The following PRKAR1A variants were observed in gnomAD, a reference collection of about 807,000 sequenced individuals.
PRKAR1A encodes the protein cAMP-dependent protein kinase type I-alpha regulatory subunit.
Under a neutral mutation model 52.0 loss-of-function variants are expected in PRKAR1A, and 3 were observed. That is an observed-to-expected ratio of 0.06 (90% CI 0.03 to 0.15). The LOEUF (loss-of-function observed/expected upper bound fraction) is 0.15. PRKAR1A is among the 10% of genes least tolerant of loss of function. PRKAR1A has a pLI of 1.00. For missense variants in PRKAR1A, 240 were observed against 477.4 expected, an observed-to-expected ratio of 0.50 and a Z score of 4.63; for synonymous variants, 188 against 168.4, an observed-to-expected ratio of 1.12 and a Z score of -0.90.
At chr17:68,493,784 C>A in the PRKAR1A span, 1 of 151,894 alleles carries the variant, frequency 6.6e-6, no homozygotes, top group Non-Finnish European at 1.5e-5. Flanking sequence ...AGTAGAGATG[C>A]GGTTTCGCCA....
chr17:68,464,705 AAAC>A, the PRKAR1A span, among the ~76,000 whole-genome samples: 3 of 136,030 alleles, frequency 2.2e-5, no homozygotes, highest in African/African-American at 7.7e-5. Context: ...AAAACAAAAA[AAAC>A]AAAAAAAACA....
At chr17:68,541,351 C>T (rs1245272433) in intron 11 of PRKAR1A, 1 of 250,696 alleles carries the variant, frequency 4.0e-6, no homozygotes, top group African/African-American at 2.2e-5. Context: ...TTCTCTCTCA[C>T]ACATGGTTTT....
chr17:68,471,139 A>T, the PRKAR1A span, among the ~76,000 whole-genome samples: 1 of 152,204 alleles, frequency 6.6e-6, no homozygotes, highest in South Asian at 2.1e-4. Context: ...CACAGCAGAA[A>T]ACTGAAAGAC....
the PRKAR1A span, among the ~76,000 whole-genome samples, chr17:68,453,895 A>G: frequency 6.6e-6 from 1 of 152,168 alleles, no homozygotes; most frequent in South Asian, 2.1e-4. Flanking sequence ...TCACACCTGG[A>G]TGTATATTAA....
the PRKAR1A span, among the ~76,000 whole-genome samples, chr17:68,451,260 A>G: frequency 1.3e-5 from 2 of 152,142 alleles, no homozygotes; most frequent in Admixed American, 6.5e-5. Context: ...GCGAAACCCC[A>G]TCTCTACTAA....
chr17:68,524,181 C>A, intron 5 of PRKAR1A, 104 bp downstream of exon 5: 2 of 1,178,008 alleles, frequency 1.7e-6, no homozygotes, highest in Non-Finnish European at 2.4e-6. Context: ...TTTGATCCTA[C>A]CACTTTTTTT....
the PRKAR1A span, among the ~76,000 whole-genome samples, chr17:68,431,911 G>A: frequency 2.6e-5 from 4 of 152,222 alleles, no homozygotes; most frequent in South Asian, 2.1e-4. Context: ...CAGCAATTGC[G>A]ATCACTCACT....
upstream of PRKAR1A, among the ~76,000 whole-genome samples, chr17:68,510,901 G>T (rs2085255600): frequency 6.6e-6 from 1 of 152,160 alleles, no homozygotes. Context: ...ATTTGGGGGA[G>T]CAGTCGGCCT....
intron 2 of PRKAR1A, 86 bp from the exon 3 acceptor site, chr17:68,522,670 G>C (rs1022396373): frequency 7.1e-7 from 1 of 1,416,924 alleles, no homozygotes; most frequent in Non-Finnish European, 9.8e-7. Flanking sequence ...GATTGGAAGT[G>C]ACTGAGATAG....
In PRKAR1A at chr17:68,528,435, G is replaced by A. The variant is rs905910224; in HGVS notation, c.770-435G>A. 3.9e-5 allele frequency among the ~76,000 whole-genome samples: 6 copies of A among 152,232 alleles called. No individual in the cohort carries two copies. In the South Asian group the frequency reaches 1.2e-3, roughly 32 times the overall value. ...AGTAGTTTGGCCTTTGGGAATAAAAGTTATTTTCTAGTTCTTTTTCATAAA... is the reference window on the plus strand; with the variant it reads ...AGTAGTTTGGCCTTTGGGAATAAAAATTATTTTCTAGTTCTTTTTCATAAA... On this transcript the variant is annotated intron_variant, in intron 8 of 10. Transcript: ENST00000589228.
At chr17:68,521,093 C>T (rs548380451) in intron 2 of PRKAR1A, among the ~76,000 whole-genome samples, 109 of 152,240 alleles carry the variant, frequency 7.2e-4, no homozygotes, top group African/African-American at 2.6e-3. Flanking sequence ...AGGTGCCTGC[C>T]ACCACACCTG....
the PRKAR1A span, among the ~76,000 whole-genome samples, chr17:68,415,489 A>G: frequency 6.6e-6 from 1 of 152,166 alleles, no homozygotes; most frequent in South Asian, 2.1e-4. Flanking sequence ...TAGAATGTGT[A>G]TTCTGCAGTT....
chr17:68,533,487 A>G (rs2086032112), downstream of PRKAR1A: 5 of 936,426 alleles, frequency 5.3e-6, no homozygotes, highest in East Asian at 2.4e-4. Flanking sequence ...CAGTGGCCCA[A>G]GTAGACTCTT....
At chr17:68,431,176 C>A in the PRKAR1A span, among the ~76,000 whole-genome samples, 1 of 152,156 alleles carries the variant, frequency 6.6e-6, no homozygotes, top group South Asian at 2.1e-4. Context: ...AAAGAAAAAC[C>A]ACGTGAGCAG....
the PRKAR1A span, among the ~76,000 whole-genome samples, chr17:68,436,667 G>A: frequency 3.3e-5 from 5 of 152,138 alleles, no homozygotes; most frequent in Non-Finnish European, 7.3e-5. Context: ...CTTCACAGGG[G>A]AAGACCTCCT....
At chr17:68,427,264 C>T in the PRKAR1A span, 1 of 1,602,026 alleles carries the variant, frequency 6.2e-7, no homozygotes, top group Admixed American at 1.7e-5. Context: ...CTACTTGTGA[C>T]AATCAAGAGG....
intron 8 of PRKAR1A, among the ~76,000 whole-genome samples, 182 bp downstream of exon 8, chr17:68,528,082 C>T (rs1489862145): frequency 2.6e-5 from 4 of 152,222 alleles, no homozygotes; most frequent in Admixed American, 1.3e-4. Flanking sequence ...CTTCCCGTCT[C>T]TCTTGTTCCA....
At chr17:68,455,144 T>C in the PRKAR1A span, among the ~76,000 whole-genome samples, 1 of 152,054 alleles carries the variant, frequency 6.6e-6, no homozygotes. Flanking sequence ...GGTGGATCAC[T>C]TGAGGTCAGG....
chr17:68,509,730 T>C (rs541295577), upstream of PRKAR1A, among the ~76,000 whole-genome samples: 1 of 152,300 alleles, frequency 6.6e-6, no homozygotes, highest in South Asian at 2.1e-4. Flanking sequence ...CTATTTAGTT[T>C]TTCAGAACAG....
Sources: allele counts gnomAD v4.1 joint callset (sites outside exome capture counted in the v4.1 genomes callset), GRCh38; gene constraint gnomAD v4.1.1; transcripts MANE v1.5; gene names NCBI Gene and HGNC (gene_info 2026-07-23, HGNC 2026-07-21).